Variants in GPC6 observed in about 807,000 individuals in gnomAD.
The protein encoded by GPC6 is glypican 6.
GPC6 carries 14 observed loss-of-function variants against 55.2 expected under a neutral mutation model. The ratio of observed to expected loss-of-function variants is 0.25; its 90% CI spans 0.17 to 0.40. The LOEUF (loss-of-function observed/expected upper bound fraction) is 0.40, where lower values mean the gene tolerates loss of function less well. Ranked by LOEUF, GPC6 falls within the 10% of genes least tolerant of loss-of-function variation. The pLI is 1.00. For synonymous variants in GPC6, 278 were observed against 259.6 expected (o/e 1.07, Z -0.68); for missense variants, 641 against 708.5 (o/e 0.90, Z 1.08).
intron 2 of GPC6, among the ~76,000 whole-genome samples, chr13:93,719,159 A>C (rs982462726): frequency 6.6e-6 from 1 of 152,044 alleles, no homozygotes; most frequent in Non-Finnish European, 1.5e-5. Context: ...CATTGAATCT[A>C]TAAATTACTT....
At chr13:93,856,993 T>C (rs1325980761) in intron 3 of GPC6, among the ~76,000 whole-genome samples, 1 of 151,650 alleles carries the variant, frequency 6.6e-6, no homozygotes, top group African/African-American at 2.4e-5. Flanking sequence ...TGTTGTAGAT[T>C]CTTATTCAAC....
Position 93,744,853 on chromosome 13 carries a change from A to G in GPC6, c.320-85301A>G, listed in dbSNP as rs190229685. ...GAGGCTGAGGCAGGAGAATTGCCTGAACCCAGGAAGCGAAGGATGCAGTGA... is the reference window on the plus strand; with the variant it reads ...GAGGCTGAGGCAGGAGAATTGCCTGGACCCAGGAAGCGAAGGATGCAGTGA... On this transcript the variant is annotated intron_variant, in intron 2 of 8. Coordinates refer to ENST00000377047, the MANE Select transcript of GPC6 (RefSeq NM_005708.5). 3.4e-3 allele frequency among the ~76,000 whole-genome samples: 510 copies of G among 152,000 alleles called. 2 individuals are homozygous for G. Among genetic ancestry groups the G allele is most frequent in the Non-Finnish European group, 5.7e-3 (390 of 67,960 alleles).
rs112730346 is a variant in GPC6 at position 93,444,025 on chromosome 13, C to T, written c.161-101238C>T. 8.3e-3 allele frequency among the ~76,000 whole-genome samples: 1,269 copies of T among 152,142 alleles called. 18 individuals carry two copies. The highest frequency in any genetic ancestry group is 0.029 in the African/African-American group (1,212 of 41,474). ...TATTCCATGACCATAGAGAATCAAT[C>T]CATTACTTCACTATATTTTGTATTC... On this transcript the variant is annotated intron_variant, in intron 1 of 8. Transcript: ENST00000377047.
chr13:93,306,830 G>A (rs915895451), intron 1 of GPC6, among the ~76,000 whole-genome samples: 12 of 151,990 alleles, frequency 7.9e-5, no homozygotes, highest in Admixed American at 4.6e-4. Context: ...TGTAGCGTGT[G>A]GTTCATATTA....
chr13:94,259,185 G>A (rs1891587398), intron 4 of GPC6, among the ~76,000 whole-genome samples: 2 of 152,150 alleles, frequency 1.3e-5, no homozygotes, highest in East Asian at 3.9e-4. Context: ...TGCCACACTG[G>A]AAACCTTCCC....
At chr13:93,302,798 C>A (rs891413735) in intron 1 of GPC6, among the ~76,000 whole-genome samples, 3 of 151,980 alleles carry the variant, frequency 2.0e-5, no homozygotes, top group Non-Finnish European at 4.4e-5. Context: ...GGCAGAGTAC[C>A]GTAATGGAAA....
intron 3 of GPC6, among the ~76,000 whole-genome samples, chr13:93,922,627 G>A (rs1313000150): frequency 1.3e-5 from 2 of 152,068 alleles, no homozygotes; most frequent in Non-Finnish European, 2.9e-5. Context: ...AATGTCTCTA[G>A]ACATTGTCAG....
Position 94,086,879 on chromosome 13 carries a change from A to G in GPC6, c.877+58985A>G, listed in dbSNP as rs112705713. On this transcript the variant is annotated intron_variant, in intron 4 of 8. Transcript: ENST00000377047. ...TTTCTCGTGAACAATTCTAAATAAAACGACATGTGTCTTTATTTGGCAGAC... is the reference window on the plus strand; with the variant it reads ...TTTCTCGTGAACAATTCTAAATAAAGCGACATGTGTCTTTATTTGGCAGAC... 9.9e-3 allele frequency among the ~76,000 whole-genome samples: 1,501 copies of G among 152,292 alleles called. 30 individuals are homozygous for G. Among genetic ancestry groups the G allele is most frequent in the African/African-American group, 0.035 (1,436 of 41,570 alleles).
At chr13:93,837,424 C>T (rs1887780762) in intron 3 of GPC6, among the ~76,000 whole-genome samples, 1 of 152,194 alleles carries the variant, frequency 6.6e-6, no homozygotes, top group Non-Finnish European at 1.5e-5. Flanking sequence ...CTTCTACAAT[C>T]TGAGATAGGT....
intron 1 of GPC6, among the ~76,000 whole-genome samples, chr13:93,488,329 A>G (rs1465063539): frequency 3.3e-5 from 5 of 152,184 alleles, no homozygotes; most frequent in African/African-American, 1.2e-4. Flanking sequence ...ATAGTATTCC[A>G]TGGTGTACAT....
At chr13:94,075,872 A>T (rs1884894898) in intron 4 of GPC6, among the ~76,000 whole-genome samples, 1 of 152,080 alleles carries the variant, frequency 6.6e-6, no homozygotes, top group South Asian at 2.1e-4. Flanking sequence ...CAGTCCATGG[A>T]CATTTGGGTT....
At chr13:93,509,470 A>C (rs1880864278) in intron 1 of GPC6, among the ~76,000 whole-genome samples, 1 of 152,218 alleles carries the variant, frequency 6.6e-6, no homozygotes, top group South Asian at 2.1e-4. Context: ...CATTTAACTC[A>C]GCACAGGGTC....
chr13:93,243,168 A>T (rs1876492457), intron 1 of GPC6, among the ~76,000 whole-genome samples: 1 of 152,186 alleles, frequency 6.6e-6, no homozygotes, highest in African/African-American at 2.4e-5. Flanking sequence ...AGGGCTAGAG[A>T]TGCCAAGAGC....
intron 2 of GPC6, among the ~76,000 whole-genome samples, chr13:93,597,946 C>T (rs1229674061): frequency 6.6e-6 from 1 of 151,906 alleles, no homozygotes; most frequent in East Asian, 1.9e-4. Context: ...GAGATCGAGA[C>T]CATCCTGTCC....
At chr13:93,356,574 A>G (rs1880856140) in intron 1 of GPC6, among the ~76,000 whole-genome samples, 1 of 152,204 alleles carries the variant, frequency 6.6e-6, no homozygotes. Flanking sequence ...TCGCAAGCAC[A>G]AACATATTTT....
At chr13:94,261,690 CAGG>C (rs1301210028) in intron 4 of GPC6, among the ~76,000 whole-genome samples, 1 of 152,106 alleles carries the variant, frequency 6.6e-6, no homozygotes, top group East Asian at 1.9e-4. Context: ...CAGAGATGGG[CAGG>C]AGGAGACAGA....
chr13:93,385,495 G>T (rs879477953), intron 1 of GPC6, among the ~76,000 whole-genome samples: 2 of 152,224 alleles, frequency 1.3e-5, no homozygotes, highest in Admixed American at 6.5e-5. Context: ...AAGAGGATGT[G>T]GAGAAACTGT....
chr13:93,657,024 G>C (rs1439241218), intron 2 of GPC6, among the ~76,000 whole-genome samples: 1 of 152,030 alleles, frequency 6.6e-6, no homozygotes, highest in Non-Finnish European at 1.5e-5. Context: ...TGTCTATACT[G>C]CCCAAAGCAA....
chr13:93,985,248 C>T (rs1880972368), intron 3 of GPC6, among the ~76,000 whole-genome samples: 1 of 152,060 alleles, frequency 6.6e-6, no homozygotes, highest in Admixed American at 6.6e-5. Flanking sequence ...TCCTGGCCAA[C>T]CAACATGGTG....
Sources: gnomAD v4.1 joint callset for allele counts (sites outside exome capture counted in the v4.1 genomes callset) on GRCh38, gnomAD v4.1.1 for gene constraint, MANE v1.5 for transcripts, NCBI Gene and HGNC (gene_info 2026-07-23, HGNC 2026-07-21) for gene names.